LRP1B: variants seen among roughly 807,000 people sequenced by gnomAD.
LRP1B encodes LDL receptor related protein 1B.
In LRP1B, 217 loss-of-function variants were observed where a neutral mutation model predicts 556.6. The observed-to-expected ratio is 0.39, with a 90% CI of 0.35 to 0.44. The LOEUF is 0.44. Ranked by LOEUF, LRP1B falls within the 20% of genes least tolerant of loss-of-function variation. The pLI is 1.00. For synonymous variants in LRP1B, 2,047 were observed against 1,865.8 expected, an observed-to-expected ratio of 1.10 and a Z score of -2.50; for missense variants, 5,053 against 5,620.8, an observed-to-expected ratio of 0.90 and a Z score of 3.23.
chr2:140,882,321 G>A (rs1275347818), intron 25 of LRP1B, among the ~76,000 whole-genome samples: 2 of 152,032 alleles, frequency 1.3e-5, no homozygotes, highest in Non-Finnish European at 2.9e-5. Flanking sequence ...GAAAAATAAA[G>A]GTAAGTCTTA....
At chr2:142,113,814 A>T in intron 1 of LRP1B, among the ~76,000 whole-genome samples, 1 of 152,100 alleles carries the variant, frequency 6.6e-6, no homozygotes, top group East Asian at 1.9e-4. Flanking sequence ...GATAATTACT[A>T]GAGCCTCTTA....
At chr2:142,040,708 C>T (rs1387886982) in intron 1 of LRP1B, among the ~76,000 whole-genome samples, 1 of 150,650 alleles carries the variant, frequency 6.6e-6, no homozygotes, top group Non-Finnish European at 1.5e-5. Context: ...ATTAAATAGC[C>T]TTTGTCTATG....
At position 140,702,470 on chromosome 2, in the gene LRP1B, C is replaced by T; in HGVS notation, c.6107G>A (p.Ser2036Asn). 2 of 1,613,598 alleles carry T rather than the reference C, an allele frequency of 1.2e-6. No homozygotes were observed. Among genetic ancestry groups the T allele is most frequent in the African/African-American group, 1.3e-5 (1 of 74,988 alleles). The change falls in exon 38 of 91, where the codon AGC becomes AAC. Residue 2036 changes from serine (S) to asparagine (N), a missense_variant. Around this residue, in one of 5 missense-constraint regions of LRP1B, gnomAD observed 3,619 missense variants for 3,931.9 expected, o/e 0.92. Transcript: ENST00000389484. ...LDGSEKVVLV[S>N]MGIAWPNGIS... ...GCCATTCGGCCATGCTATTCCCATGCTTACAAGGACAACCTTCTCTGAGCC... is the reference window on the plus strand; with the variant it reads ...GCCATTCGGCCATGCTATTCCCATGTTTACAAGGACAACCTTCTCTGAGCC...
At chr2:141,968,875 G>A (rs1015546884) in intron 1 of LRP1B, among the ~76,000 whole-genome samples, 2 of 151,486 alleles carry the variant, frequency 1.3e-5, no homozygotes, top group South Asian at 4.2e-4. Context: ...TTATTAATCG[G>A]CTCTCAAAAA....
At chr2:141,608,174 A>G (rs2105318391) in intron 2 of LRP1B, among the ~76,000 whole-genome samples, 1 of 152,250 alleles carries the variant, frequency 6.6e-6, no homozygotes, top group South Asian at 2.1e-4. Context: ...CAGTGAGCCG[A>G]GATCAGGCCA....
intron 10 of LRP1B, among the ~76,000 whole-genome samples, chr2:141,049,663 G>T (rs1220629957): frequency 6.6e-6 from 1 of 152,070 alleles, no homozygotes; most frequent in Non-Finnish European, 1.5e-5. Flanking sequence ...CCCCAAGTTT[G>T]CATCTACAAA....
At chr2:141,154,250 T>C (rs911744102) in intron 7 of LRP1B, among the ~76,000 whole-genome samples, 3 of 151,886 alleles carry the variant, frequency 2.0e-5, no homozygotes, top group African/African-American at 7.2e-5. Flanking sequence ...ACAATAAACA[T>C]CTCACATCTT....
chr2:140,497,442 T>A (rs968954227), intron 55 of LRP1B, among the ~76,000 whole-genome samples: 1 of 151,920 alleles, frequency 6.6e-6, no homozygotes, highest in African/African-American at 2.4e-5. Flanking sequence ...TGCCATTAAC[T>A]GTACACATAA....
intron 2 of LRP1B, among the ~76,000 whole-genome samples, chr2:141,599,992 G>A (rs955051527): frequency 6.6e-6 from 1 of 151,950 alleles, no homozygotes; most frequent in Non-Finnish European, 1.5e-5. Context: ...ATTTATTATT[G>A]CTCCTTAGTG....
At chr2:140,321,159 G>A (rs1219144795) in intron 82 of LRP1B, among the ~76,000 whole-genome samples, 2 of 151,954 alleles carry the variant, frequency 1.3e-5, no homozygotes, top group African/African-American at 4.8e-5. Context: ...TTGAATATGA[G>A]GTAACTTATT....
intron 83 of LRP1B, among the ~76,000 whole-genome samples, chr2:140,301,176 A>C (rs972633436): frequency 6.6e-6 from 1 of 152,122 alleles, no homozygotes; most frequent in Admixed American, 6.6e-5. Context: ...GCTTCTAAAT[A>C]TGCTCGATTC....
chr2:140,924,052 A>T (rs1356636731), intron 20 of LRP1B, among the ~76,000 whole-genome samples: 1 of 152,004 alleles, frequency 6.6e-6, no homozygotes, highest in Non-Finnish European at 1.5e-5. Flanking sequence ...TTTTAATGTA[A>T]CAAATTTATT....
intron 66 of LRP1B, among the ~76,000 whole-genome samples, chr2:140,414,513 G>A (rs1410173237): frequency 2.0e-5 from 3 of 152,264 alleles, no homozygotes; most frequent in African/African-American, 7.2e-5. Flanking sequence ...TTGAGGTAAT[G>A]CCTCTATGGG....
intron 3 of LRP1B, among the ~76,000 whole-genome samples, chr2:141,349,865 T>C (rs1165074655): frequency 6.6e-6 from 1 of 151,888 alleles, no homozygotes; most frequent in East Asian, 1.9e-4. Context: ...ATACAGGAAA[T>C]ATAATGGTTG....
chr2:141,858,934 A>G (rs184976922), intron 1 of LRP1B, among the ~76,000 whole-genome samples: 3 of 152,284 alleles, frequency 2.0e-5, no homozygotes, highest in Non-Finnish European at 2.9e-5. Flanking sequence ...TGGTAGGCAG[A>G]GGAAGTCCAA....
intron 32 of LRP1B, among the ~76,000 whole-genome samples, chr2:140,811,619 T>C (rs917848560): frequency 2.6e-5 from 4 of 152,170 alleles, no homozygotes; most frequent in African/African-American, 9.6e-5. Flanking sequence ...ATGTGGGTGA[T>C]GATTTAGAGA....
At chr2:141,106,962 T>TA (rs1700619341) in intron 7 of LRP1B, among the ~76,000 whole-genome samples, 2 of 152,292 alleles carry the variant, frequency 1.3e-5, no homozygotes, top group Admixed American at 1.3e-4. Context: ...TGAATTGTGA[T>TA]ATATGCAAGA....
At chr2:141,624,865 G>T (rs922348507) in intron 2 of LRP1B, among the ~76,000 whole-genome samples, 1 of 152,104 alleles carries the variant, frequency 6.6e-6, no homozygotes, top group African/African-American at 2.4e-5. Flanking sequence ...CGCCTCCCAG[G>T]TTCATTCCAT....
chr2:140,946,824 C>T (rs1289186536), intron 20 of LRP1B, among the ~76,000 whole-genome samples: 1 of 152,130 alleles, frequency 6.6e-6, no homozygotes, highest in Non-Finnish European at 1.5e-5. Flanking sequence ...ACATGTATAC[C>T]ATGGAATACT....
Sources: allele counts gnomAD v4.1 joint callset (sites outside exome capture counted in the v4.1 genomes callset), GRCh38; gene constraint gnomAD v4.1.1; regional missense constraint gnomAD v4.1.1; transcripts MANE v1.5; gene names NCBI Gene and HGNC (gene_info 2026-07-23, HGNC 2026-07-21).